The following KIAA1671 variants were observed in gnomAD, a reference collection of about 807,000 sequenced individuals.
KIAA1671 encodes KIAA1671, also known as uncharacterized protein KIAA1671.
In KIAA1671, 52 loss-of-function variants were observed where a neutral mutation model predicts 131.2. That is an observed-to-expected ratio of 0.40 (90% CI 0.32 to 0.50). The LOEUF (loss-of-function observed/expected upper bound fraction) is 0.50. Among genes scored for constraint, KIAA1671 ranks in the 20% least tolerant of loss-of-function variants. The pLI, the probability that KIAA1671 is intolerant of heterozygous loss-of-function variation, is 0.73. For missense variants in KIAA1671, 2,360 were observed against 2,364.2 expected, an observed-to-expected ratio of 1.00 and a Z score of 0.04; for synonymous variants, 1,003 against 961.6, an observed-to-expected ratio of 1.04 and a Z score of -0.80.
At chr22:25,083,212 A>G (rs1316335711) in intron 6 of KIAA1671, among the ~76,000 whole-genome samples, 1 of 152,196 alleles carries the variant, frequency 6.6e-6, no homozygotes, top group Non-Finnish European at 1.5e-5. Context: ...TGGCTTGCAG[A>G]TAACCACTTT....
chr22:25,158,999 A>G (rs906593126), intron 6 of KIAA1671, among the ~76,000 whole-genome samples: 1 of 152,078 alleles, frequency 6.6e-6, no homozygotes, highest in African/African-American at 2.4e-5. Context: ...TGTGGCTGTT[A>G]CTATTCTTAT....
rs571762917 is a variant in KIAA1671 at position 25,168,034 on chromosome 22, G to A, written c.4531-2786G>A. 8.9e-4 allele frequency among the ~76,000 whole-genome samples: 136 copies of A among 152,250 alleles called. 1 individual carries two copies. Among genetic ancestry groups the A allele is most frequent in the African/African-American group, 3.2e-3 (134 of 41,540 alleles). On this transcript the variant is annotated intron_variant, in intron 6 of 12. Transcript: ENST00000358431. ...GGCCACACAGCAGGCTTTTCCCCAGGTGCCCACTCATTCTGCAGGACCACA... is the reference window on the plus strand; with the variant it reads ...GGCCACACAGCAGGCTTTTCCCCAGATGCCCACTCATTCTGCAGGACCACA...
At chr22:25,171,046 A>T in intron 7 of KIAA1671, 108 bp downstream of exon 7, 1 of 809,582 alleles carries the variant, frequency 1.2e-6, no homozygotes, top group Non-Finnish European at 2.0e-6. Context: ...CCAGTCTGTA[A>T]TTATAAAAGG....
rs546379865 is a variant in KIAA1671 at position 24,995,416 on chromosome 22, G to A, written c.-207-30217G>A. ...CTCTCGCCCAGGCTGGAGTGCAGTG[G>A]TGCAGTCATGACTCACTGCAGCCTC... is the stretch of plus-strand genomic sequence containing the variant. On this transcript the variant is annotated intron_variant, in intron 1 of 12. Transcript: ENST00000358431. Among the ~76,000 whole-genome samples, 488 of 151,500 alleles carry A rather than the reference G, an allele frequency of 3.2e-3. 2 individuals are homozygous for A. The highest frequency in any genetic ancestry group is 0.011 in the African/African-American group (469 of 41,246).
At chr22:25,182,498 A>C (rs1304891823) in intron 10 of KIAA1671, among the ~76,000 whole-genome samples, 2 of 152,074 alleles carry the variant, frequency 1.3e-5, no homozygotes, top group African/African-American at 4.8e-5. Context: ...GGAGTTGCAA[A>C]AATAACTCAG....
At chr22:25,113,044 G>A (rs1385398588) in intron 6 of KIAA1671, among the ~76,000 whole-genome samples, 2 of 152,192 alleles carry the variant, frequency 1.3e-5, no homozygotes, top group African/African-American at 4.8e-5. Flanking sequence ...GCTCGGGAGG[G>A]CTTGGATTGG....
At chr22:25,109,049 A>G (rs1931189814) in intron 6 of KIAA1671, among the ~76,000 whole-genome samples, 2 of 151,946 alleles carry the variant, frequency 1.3e-5, no homozygotes, top group African/African-American at 4.8e-5. Flanking sequence ...GTATGACCTC[A>G]GAGAAGAAGG....
intron 12 of KIAA1671, 115 bp downstream of exon 12, chr22:25,190,899 T>C (rs1188459528): frequency 1.5e-6 from 1 of 668,030 alleles, no homozygotes; most frequent in African/African-American, 1.8e-5. Flanking sequence ...AAAGAGGCTG[T>C]GTAAGGGGAA....
chr22:25,027,986 C>A lies in KIAA1671; in HGVS notation c.-14C>A. 6.9e-7 allele frequency: 1 copy of A among 1,458,220 alleles called. No homozygotes were observed. Among genetic ancestry groups the A allele is most frequent in the Non-Finnish European group, 9.1e-7 (1 of 1,100,442 alleles). The allele number at this position is 1,458,220 out of a possible 1,614,324, so 90.3% of individuals were successfully genotyped here. A position where few individuals can be genotyped will look rare whatever the true frequency, so the allele number is the denominator to read the frequency against. On this transcript the variant is annotated 5_prime_UTR_variant, in exon 3 of 13. Coordinates refer to ENST00000358431, the MANE Select transcript of KIAA1671 (RefSeq NM_001145206.2). ...CTTGAAGTTCCTAACCCCCATGAAT[C>A]CACAACCATAACCATGGCCACGCGG... is the stretch of plus-strand genomic sequence containing the variant.
At chr22:25,001,217 A>G (rs1171022395) in intron 1 of KIAA1671, among the ~76,000 whole-genome samples, 2 of 123,850 alleles carry the variant, frequency 1.6e-5, no homozygotes, top group Non-Finnish European at 3.3e-5. Flanking sequence ...ATGTATGTGT[A>G]TATATGTATG....
Position 25,185,119 on chromosome 22 carries a change from G to C in KIAA1671, c.5342G>C (p.Arg1781Thr). 1 of 1,547,170 alleles carries C rather than the reference G, an allele frequency of 6.5e-7. No homozygotes were observed. ...VLPSSMDKDE[R>T]SDEPSPQWLK... ...CCTTCCAGCATGGACAAGGATGAGA[G>C]GTGAGGGGTCTTGGGGAATGGGGGT... is the stretch of plus-strand genomic sequence containing the variant. Residue 1781 changes from arginine to threonine, a missense_variant and splice_region_variant, in exon 11 of 13, where the codon AGG becomes ACG. This residue lies in a region of KIAA1671 where 1,161 missense variants were observed against 1,204.7 expected (regional missense o/e 0.96). Coordinates refer to ENST00000358431, the MANE Select transcript of KIAA1671 (RefSeq NM_001145206.2).
intron 6 of KIAA1671, chr22:25,053,195 GTTC>G (rs1927635420): frequency 6.6e-6 from 1 of 152,200 alleles, no homozygotes; most frequent in Non-Finnish European, 1.5e-5. Flanking sequence ...TGGGGCTGGA[GTTC>G]TTCTTTGTGA....
chr22:25,126,024 A>G (rs760027326), intron 6 of KIAA1671, among the ~76,000 whole-genome samples: 3 of 152,224 alleles, frequency 2.0e-5, no homozygotes, highest in Non-Finnish European at 4.4e-5. Flanking sequence ...GAGTGACAGG[A>G]GATGCTGGTG....
chr22:25,021,320 A>G (rs1602073016), intron 1 of KIAA1671, among the ~76,000 whole-genome samples: 1 of 151,794 alleles, frequency 6.6e-6, no homozygotes, highest in East Asian at 1.9e-4. Context: ...CCGCCTCCCA[A>G]AGTGCTGGGA....
At chr22:25,100,151 A>G (rs1266037189) in intron 6 of KIAA1671, among the ~76,000 whole-genome samples, 1 of 152,124 alleles carries the variant, frequency 6.6e-6, no homozygotes, top group Non-Finnish European at 1.5e-5. Context: ...GGGGCCCCAC[A>G]GTGGTGTGGG....
chr22:25,093,682 GACACACACACACACACACAC>G (rs67802603), intron 6 of KIAA1671, among the ~76,000 whole-genome samples: 1,285 of 49,892 alleles, frequency 0.026, 66 homozygotes, highest in Non-Finnish European at 0.03. Flanking sequence ...CCTGCCCCCC[GACACACACACACACACACAC>G]ACACACACAC....
chr22:25,009,807 C>T (rs1273212667), intron 1 of KIAA1671: 1 of 152,302 alleles, frequency 6.6e-6, no homozygotes, highest in East Asian at 1.9e-4. Flanking sequence ...TGGTCTCGAT[C>T]TCCTGACCTT....
intron 1 of KIAA1671, among the ~76,000 whole-genome samples, chr22:24,996,492 A>T (rs1924146255): frequency 6.6e-6 from 1 of 152,086 alleles, no homozygotes; most frequent in African/African-American, 2.4e-5. Flanking sequence ...CGAGTACTTG[A>T]AAGCCTTAAG....
At chr22:25,154,903 A>C (rs1933177350) in intron 6 of KIAA1671, among the ~76,000 whole-genome samples, 1 of 152,330 alleles carries the variant, frequency 6.6e-6, no homozygotes, top group South Asian at 2.1e-4. Context: ...GGCTCTTAAT[A>C]GATACGATGC....
Sources: allele counts gnomAD v4.1 joint callset (sites outside exome capture counted in the v4.1 genomes callset), GRCh38; gene constraint gnomAD v4.1.1; regional missense constraint gnomAD v4.1.1; transcripts MANE v1.5; gene names NCBI Gene and HGNC (gene_info 2026-07-23, HGNC 2026-07-21).